NEO1: variants seen among roughly 807,000 people sequenced by gnomAD.
NEO1 encodes neogenin.
NEO1 carries 63 observed loss-of-function variants against 159.7 expected under a neutral mutation model. That is an observed-to-expected ratio of 0.39 (90% confidence interval 0.32 to 0.49). NEO1 has a LOEUF of 0.49. NEO1 is among the 20% of genes least tolerant of loss of function. The probability of loss-of-function intolerance (pLI) is 0.85; values close to 1 mark genes in which losing one functional copy is unlikely to be tolerated. For synonymous variants in NEO1, 633 were observed against 662.0 expected, an observed-to-expected ratio of 0.96 and a Z score of 0.67; for missense variants, 1,615 against 1,831.0, an observed-to-expected ratio of 0.88 and a Z score of 2.15.
At chr15:73,190,504 A>G (rs2036181614) in intron 7 of NEO1, among the ~76,000 whole-genome samples, 1 of 152,154 alleles carries the variant, frequency 6.6e-6, no homozygotes, top group Non-Finnish European at 1.5e-5. Context: ...TTTTGACAGA[A>G]ATGTTTGTAA....
chr15:73,118,128 A>G (rs2071426883), intron 2 of NEO1, among the ~76,000 whole-genome samples: 1 of 152,072 alleles, frequency 6.6e-6, no homozygotes, highest in African/African-American at 2.4e-5. Context: ...GTCCCCCCAT[A>G]TACTATCATC....
chr15:73,210,244 C>T (rs888728063), intron 7 of NEO1, among the ~76,000 whole-genome samples: 2 of 152,162 alleles, frequency 1.3e-5, no homozygotes. Context: ...GAGGACAGCT[C>T]TTCTTGTTAT....
At chr15:73,060,337 C>T (rs2067917552) in intron 1 of NEO1, among the ~76,000 whole-genome samples, 1 of 151,818 alleles carries the variant, frequency 6.6e-6, no homozygotes, top group Non-Finnish European at 1.5e-5. Flanking sequence ...GATCTTGGCT[C>T]ACTGCAACCT....
At chr15:73,200,669 T>C (rs1334098535) in intron 7 of NEO1, among the ~76,000 whole-genome samples, 1 of 129,210 alleles carries the variant, frequency 7.7e-6, no homozygotes, top group Non-Finnish European at 1.7e-5. Context: ...TATTCCCTTA[T>C]CTTTTTTTTT....
chr15:73,093,648 A>G (rs2069828015), intron 1 of NEO1, among the ~76,000 whole-genome samples: 1 of 151,054 alleles, frequency 6.6e-6, no homozygotes, highest in African/African-American at 2.4e-5. Flanking sequence ...CTTACAGCTC[A>G]CTGCAACCTC....
At chr15:73,236,595 AT>A in intron 8 of NEO1, 89 bp downstream of exon 8, 2 of 1,177,166 alleles carry the variant, frequency 1.7e-6, no homozygotes, top group Non-Finnish European at 2.5e-6. Flanking sequence ...ATCTGTACCA[AT>A]TTTTAGTCCA....
At chr15:73,252,411 G>A (rs1220942148) in intron 11 of NEO1, among the ~76,000 whole-genome samples, 1 of 152,160 alleles carries the variant, frequency 6.6e-6, no homozygotes, top group Non-Finnish European at 1.5e-5. Flanking sequence ...AAAGTTACGT[G>A]GCTGTTTAAC....
At chr15:73,289,424 T>C (rs1449895338) in intron 25 of NEO1, among the ~76,000 whole-genome samples, 186 bp downstream of exon 25, 1 of 152,216 alleles carries the variant, frequency 6.6e-6, no homozygotes, top group Non-Finnish European at 1.5e-5. Flanking sequence ...TTCTTGAGGC[T>C]AGCGTCGTTA....
intron 5 of NEO1, among the ~76,000 whole-genome samples, chr15:73,168,373 G>A (rs969608490): frequency 8.1e-5 from 4 of 49,228 alleles, no homozygotes; most frequent in Non-Finnish European, 2.1e-4. Flanking sequence ...TAGTAGAGAC[G>A]GGGGGTGGGG....
intron 1 of NEO1, among the ~76,000 whole-genome samples, chr15:73,088,054 A>G (rs1270221459): frequency 6.6e-6 from 1 of 152,108 alleles, no homozygotes; most frequent in East Asian, 1.9e-4. Flanking sequence ...TGCTTTCTAG[A>G]AAGTATATAT....
Position 73,149,022 on chromosome 15 carries a change from A to C in NEO1, c.1015+12995A>C, listed in dbSNP as rs550905014. 1.1e-4 allele frequency among the ~76,000 whole-genome samples: 16 copies of C among 152,188 alleles called. No individual in the cohort carries two copies. The South Asian group carries it at 2.9e-3, about 28-fold the overall frequency. Reference sequence around the variant, plus strand: ...GATTTTTTTCTTGTTGATGATTTCAAATACAGAGTTTTGTCCAGGGGCCGT... The same window carrying C: ...GATTTTTTTCTTGTTGATGATTTCACATACAGAGTTTTGTCCAGGGGCCGT... On this transcript the variant is annotated intron_variant, in intron 5 of 28. Transcript: ENST00000261908.
At chr15:73,197,681 C>CTTT (rs34893810) in intron 7 of NEO1, among the ~76,000 whole-genome samples, 8 of 132,368 alleles carry the variant, frequency 6.0e-5, no homozygotes, top group Non-Finnish European at 9.7e-5. Context: ...TTATACCTAC[C>CTTT]TTTTTTTTTT....
Position 73,276,909 on chromosome 15 carries a change from C to T in NEO1, c.3194-1222C>T, listed in dbSNP as rs2041450564. ...CTGCCTCTTTAAAGAGAAGATTATA[C>T]TCTTTCGTGAAGATTTTTTATGCTT... On this transcript the variant is annotated intron_variant, in intron 21 of 28. Transcript: ENST00000261908. 2.0e-5 allele frequency among the ~76,000 whole-genome samples: 3 copies of T among 152,118 alleles called. No homozygotes were observed. In the South Asian group the frequency reaches 6.2e-4, roughly 32 times the overall value.
rs766488046 is a variant in NEO1, at chr15:73,272,506, C to A, written c.2909C>A (p.Pro970His). The A allele has an allele frequency of 6.2e-7, 1 of 1,614,032 alleles. No homozygotes were observed. The highest frequency in any genetic ancestry group is 1.1e-5 in the South Asian group (1 of 91,076). Reference sequence around the variant, plus strand: ...ACTGTTGTGAGTAAAGAGGGGAAACCTAAGACCATAATTGTGAATTGGCAG... The same window carrying A: ...ACTGTTGTGAGTAAAGAGGGGAAACATAAGACCATAATTGTGAATTGGCAG... ...DVTVVSKEGK[P>H]KTIIVNWQPP... The change falls in exon 19 of 29, where the codon CCT becomes CAT. Residue 970 changes from proline (P) to histidine (H), a missense_variant. By Grantham distance (77) the Pro-to-His change is moderately conservative. Transcript: ENST00000261908.
rs746270100 is a variant in NEO1, at chr15:73,298,395, T to A, written c.3949T>A (p.Ser1317Thr). ...PSTDTMPASS[S>T]QTCCTDHQDP... ...CACTGACACCATGCCAGCCTCTTCGTCTCAAACATGCTGCACTGATCACCA... is the reference window on the plus strand; with the variant it reads ...CACTGACACCATGCCAGCCTCTTCGACTCAAACATGCTGCACTGATCACCA... The change falls in exon 27 of 29, where the codon TCT (serine) becomes ACT (threonine). Residue 1317 changes from serine (S) to threonine (T), a missense_variant. Transcript: ENST00000261908. 6.2e-7 allele frequency: 1 copy of A among 1,614,200 alleles called. No individual in the cohort carries two copies. Among genetic ancestry groups the A allele is most frequent in the Non-Finnish European group, 8.5e-7 (1 of 1,180,028 alleles).
rs546253919 is a variant in NEO1 at position 73,075,778 on chromosome 15, G to C, written c.130+22973G>C. On this transcript the variant is annotated intron_variant, in intron 1 of 28. Coordinates refer to ENST00000261908, the MANE Select transcript of NEO1 (RefSeq NM_002499.4). ...GTAAAATTGTTTAATCTGTGTGCTT[G>C]TGTGTGTGCTTGTCAGAATTTGTGA... is the stretch of plus-strand genomic sequence containing the variant. Among the ~76,000 whole-genome samples the C allele has an allele frequency of 6.2e-4, 95 of 152,224 alleles. 1 individual carries two copies. The South Asian group carries it at 0.019, about 30-fold the overall frequency.
At position 73,145,264 on chromosome 15, in the gene NEO1, G is replaced by A. The variant is rs144113131; in HGVS notation, c.1015+9237G>A. On this transcript the variant is annotated intron_variant, in intron 5 of 28. Transcript: ENST00000261908. The stretch of plus-strand genomic sequence containing the variant: ...ACAGATTAAAGTAGCCCATTTTTGC[G>A]TACTGATTGAATTTTAAAATAATAA... 8.5e-5 allele frequency among the ~76,000 whole-genome samples: 13 copies of A among 152,234 alleles called. No homozygotes were observed. The East Asian group carries it at 9.6e-4, about 11-fold the overall frequency.
In NEO1 at chr15:73,254,764, C is replaced by T. The variant is rs780872297; in HGVS notation, c.2027C>T (p.Ala676Val). Residue 676 changes from alanine to valine, a missense_variant, in exon 13 of 29, where the codon GCC becomes GTC. Coordinates refer to ENST00000261908, the MANE Select transcript of NEO1 (RefSeq NM_002499.4). The part of the protein sequence containing the change: ...ITGYKIRYRK[A>V]SRKSDVTETL... ...GGCTACAAGATTCGCTACCGAAAGG[C>T]CTCCCGAAAGAGTGATGTCACTGAG... 2.2e-5 allele frequency: 36 copies of T among 1,613,954 alleles called. No individual in the cohort carries two copies. The highest frequency in any genetic ancestry group is 2.9e-5 in the Non-Finnish European group (34 of 1,179,988).
intron 3 of NEO1, among the ~76,000 whole-genome samples, chr15:73,123,324 A>T (rs1298656136): frequency 6.6e-6 from 1 of 152,166 alleles, no homozygotes; most frequent in Non-Finnish European, 1.5e-5. Context: ...TTCACTGTCT[A>T]ATGGTATTCT....
Sources: gnomAD v4.1 joint callset for allele counts (sites outside exome capture counted in the v4.1 genomes callset) on GRCh38, gnomAD v4.1.1 for gene constraint, MANE v1.5 for transcripts, NCBI Gene and HGNC (gene_info 2026-07-23, HGNC 2026-07-21) for gene names.